The following NBEA variants were observed in gnomAD, a reference collection of about 807,000 sequenced individuals.
The protein encoded by NBEA is lysosomal-trafficking regulator 2.
In NBEA, 44 loss-of-function variants were observed where a neutral mutation model predicts 343.4. The observed-to-expected ratio is 0.13, with a 90% CI of 0.10 to 0.16. The LOEUF (loss-of-function observed/expected upper bound fraction) is 0.16. Among genes scored for constraint, NBEA ranks in the 10% least tolerant of loss-of-function variants. NBEA has a pLI of 1.00. For missense variants in NBEA, 2,555 were observed against 3,631.3 expected (o/e 0.70, Z 7.62); for synonymous variants, 1,175 against 1,238.7 (o/e 0.95, Z 1.08).
intron 38 of NBEA, among the ~76,000 whole-genome samples, chr13:35,383,847 G>GA (rs1315505684): frequency 6.6e-6 from 1 of 151,950 alleles, no homozygotes; most frequent in Admixed American, 6.6e-5. Context: ...AGAATTTCAG[G>GA]AAAAAATACA....
intron 17 of NBEA, among the ~76,000 whole-genome samples, chr13:35,129,238 G>A (rs1196909958): frequency 2.0e-5 from 3 of 151,994 alleles, no homozygotes; most frequent in Admixed American, 6.6e-5. Flanking sequence ...GAAAAGTGAT[G>A]AGTGTAAAAA....
At chr13:35,284,020 CAG>C (rs1363804779) in intron 34 of NBEA, among the ~76,000 whole-genome samples, 23 of 140,198 alleles carry the variant, frequency 1.6e-4, no homozygotes, top group African/African-American at 5.9e-4. Flanking sequence ...ACACACCACA[CAG>C]ATGCATGTAC....
At chr13:35,094,286 G>A (rs926409466) in intron 10 of NBEA, among the ~76,000 whole-genome samples, 3 of 152,084 alleles carry the variant, frequency 2.0e-5, no homozygotes, top group Admixed American at 6.6e-5. Context: ...GAAGAAAAAG[G>A]TAGAAATTAC....
chr13:35,343,682 A>G (rs2039717202), intron 36 of NBEA, among the ~76,000 whole-genome samples: 1 of 152,104 alleles, frequency 6.6e-6, no homozygotes, highest in South Asian at 2.1e-4. Flanking sequence ...TTAGATTATC[A>G]TAGGAGCATG....
chr13:35,395,171 A>G (rs1490383024), intron 38 of NBEA, among the ~76,000 whole-genome samples: 1 of 151,912 alleles, frequency 6.6e-6, no homozygotes, highest in Non-Finnish European at 1.5e-5. Context: ...TATATATGAC[A>G]TATCTTGTCA....
chr13:35,243,916 A>G (rs1187378323), intron 34 of NBEA, among the ~76,000 whole-genome samples: 1 of 151,888 alleles, frequency 6.6e-6, no homozygotes, highest in East Asian at 1.9e-4. Context: ...AGACCAAAGA[A>G]TACTTCACCC....
Position 35,504,991 on chromosome 13 carries a change from T to G in NBEA, c.6585+32455T>G, listed in dbSNP as rs547537100. Among the ~76,000 whole-genome samples, 3 of 152,236 alleles carry G rather than the reference T, an allele frequency of 2.0e-5. No individual in the cohort carries two copies. In the East Asian group the frequency reaches 5.8e-4, roughly 29 times the overall value. On this transcript the variant is annotated intron_variant, in intron 41 of 58. Transcript: ENST00000379939. ...AATGCTACGATTATCGGAACCTCAT[T>G]TGTATCTCAGTAAATTACTGGCTTG...
chr13:35,527,340 C>T (rs920489551), intron 41 of NBEA, among the ~76,000 whole-genome samples: 41 of 152,152 alleles, frequency 2.7e-4, no homozygotes, highest in Admixed American at 2.1e-3. Context: ...TCAAGCCTCC[C>T]GGCTTCAGGC....
At chr13:35,107,990 G>A (rs547775230) in intron 11 of NBEA, among the ~76,000 whole-genome samples, 106 of 152,126 alleles carry the variant, frequency 7.0e-4, no homozygotes, top group African/African-American at 2.4e-3. Context: ...GTTCGTGACC[G>A]TTTATGTAGA....
At position 35,651,822 on chromosome 13, in the gene NBEA, G is replaced by A; in HGVS notation, c.7981G>A (p.Gly2661Arg). The A allele has an allele frequency of 6.5e-7, 1 of 1,541,800 alleles. No homozygotes were observed. Among genetic ancestry groups the A allele is most frequent in the Non-Finnish European group, 8.8e-7 (1 of 1,138,160 alleles). The change falls in exon 53 of 59, where the codon GGA (glycine) becomes AGA (arginine). Residue 2661 changes from glycine to arginine, a missense_variant. Gly to Arg is a moderately radical substitution (Grantham distance 125). Around this residue, in one of 21 missense-constraint regions of NBEA, gnomAD observed 61 missense variants for 132.1 expected, o/e 0.46. Transcript: ENST00000379939. ...HNTVGLRGAP[G>R]YSLDQAHHLP... is the part of the protein sequence containing the mutation. ...ATCTTTAGGCCTCAGAGGAGCTCCA[G>A]GATACTCCTTGGATCAAGCCCACCA...
At chr13:35,050,237 G>A (rs759247247) in intron 5 of NBEA, 32 bp from the exon 6 acceptor site, 53 of 1,588,494 alleles carry the variant, frequency 3.3e-5, no homozygotes, top group Non-Finnish European at 4.2e-5. Context: ...TTTTATCAGA[G>A]GATATTATAC....
chr13:35,366,521 T>A (rs1257574396), intron 38 of NBEA, among the ~76,000 whole-genome samples: 1 of 151,180 alleles, frequency 6.6e-6, no homozygotes, highest in African/African-American at 2.4e-5. Context: ...AAGTTAGGGT[T>A]TTTTTTGCAA....
chr13:35,060,777 T>C (rs1333575730), intron 8 of NBEA, among the ~76,000 whole-genome samples: 1 of 151,664 alleles, frequency 6.6e-6, no homozygotes, highest in African/African-American at 2.4e-5. Context: ...GATTGTGTTT[T>C]GACAGAAGAA....
At chr13:35,645,613 C>T (rs1367678606) in intron 49 of NBEA, among the ~76,000 whole-genome samples, 1 of 152,054 alleles carries the variant, frequency 6.6e-6, no homozygotes, top group African/African-American at 2.4e-5. Context: ...GGTGAGTTCT[C>T]TCTAAAATTT....
intron 53 of NBEA, 138 bp downstream of exon 53, chr13:35,652,014 G>T: frequency 1.6e-6 from 1 of 634,272 alleles, no homozygotes; most frequent in Non-Finnish European, 2.8e-6. Flanking sequence ...TCATCAAGGA[G>T]CTGTGTAAAT....
intron 10 of NBEA, among the ~76,000 whole-genome samples, chr13:35,085,386 C>A (rs76858133): frequency 6.6e-6 from 1 of 151,944 alleles, no homozygotes; most frequent in Non-Finnish European, 1.5e-5. Flanking sequence ...TTATCCACCA[C>A]GATCAAGTTG....
chr13:35,558,892 C>T (rs919474846), intron 44 of NBEA, among the ~76,000 whole-genome samples: 3 of 152,020 alleles, frequency 2.0e-5, no homozygotes, highest in Admixed American at 6.6e-5. Context: ...ATAGTCTACT[C>T]GAGGAAACCT....
At chr13:35,388,154 C>T (rs972639529) in intron 38 of NBEA, among the ~76,000 whole-genome samples, 6 of 152,030 alleles carry the variant, frequency 3.9e-5, no homozygotes, top group African/African-American at 1.5e-4. Flanking sequence ...AACCTTTGAT[C>T]TTAACATCGA....
chr13:35,420,154 A>G (rs554570402), intron 38 of NBEA, among the ~76,000 whole-genome samples: 1 of 152,032 alleles, frequency 6.6e-6, no homozygotes, highest in South Asian at 2.1e-4. Flanking sequence ...AAATTTCAGT[A>G]CTCTGTTGAG....
Sources: allele counts gnomAD v4.1 joint callset (sites outside exome capture counted in the v4.1 genomes callset), GRCh38; gene constraint gnomAD v4.1.1; regional missense constraint gnomAD v4.1.1; transcripts MANE v1.5; gene names NCBI Gene and HGNC (gene_info 2026-07-23, HGNC 2026-07-21).